CHRNE: variants seen among roughly 807,000 people sequenced by gnomAD.
CHRNE encodes the protein cholinergic receptor nicotinic epsilon subunit.
A neutral mutation model predicts 56.5 loss-of-function variants in CHRNE; 58 were observed. The ratio of observed to expected loss-of-function variants is 1.03; its 90% CI spans 0.83 to 1.28. CHRNE has a LOEUF of 1.28. Among genes scored for constraint, CHRNE ranks in the 50% most tolerant of loss-of-function variants. The pLI is 0.00. For synonymous variants in CHRNE, 385 were observed against 297.9 expected, an observed-to-expected ratio of 1.29 and a Z score of -3.01; for missense variants, 793 against 688.9, an observed-to-expected ratio of 1.15 and a Z score of -1.69.
At position 4,898,606 on chromosome 17, in the gene CHRNE, T is replaced by G; in HGVS notation, c.*130A>C. ...CACGCCAGGGAACGGGCACACACCA[T>G]TCTTGTGAAGTTCACAAACTGCAGA... On this transcript the variant is annotated 3_prime_UTR_variant, in exon 12 of 12. Coordinates refer to ENST00000649488, the MANE Select transcript of CHRNE (RefSeq NM_000080.4). 1 of 1,288,184 alleles carries G rather than the reference T, an allele frequency of 7.8e-7. No individual in the cohort carries two copies. Among genetic ancestry groups the G allele is most frequent in the Non-Finnish European group, 1.1e-6 (1 of 925,432 alleles). 79.8% of individuals were successfully genotyped at this position (1,288,184 alleles called of 1,614,324 possible). A position where few individuals can be genotyped will look rare whatever the true frequency, so the allele number is the denominator to read the frequency against.
Position 4,901,137 on chromosome 17 carries a change from C to T in CHRNE, c.655G>A (p.Gly219Ser), listed in dbSNP as rs765394012. ...TCCCCTGGGCCGTCGGTGGCGCCAC[C>T]GTGGTGGCGGCGGATCACCCCCGGG... ...FCPGVIRRHH[G>S]GATDGPGETD... is the part of the protein sequence containing the mutation. Residue 219 changes from glycine (G) to serine (S), a missense_variant, in exon 7 of 12, where the codon GGT becomes AGT. Transcript: ENST00000649488. The T allele has an allele frequency of 2.5e-6, 4 of 1,611,956 alleles. No individual in the cohort carries two copies. Among genetic ancestry groups the T allele is most frequent in the South Asian group, 2.2e-5 (2 of 91,088 alleles).
rs1969836939 is a variant in CHRNE at position 4,899,050 on chromosome 17, G to A, written c.1277C>T (p.Ala426Val). 3 of 1,611,574 alleles carry A rather than the reference G, an allele frequency of 1.9e-6. No individual in the cohort carries two copies. Among genetic ancestry groups the A allele is most frequent in the African/African-American group, 2.7e-5 (2 of 74,934 alleles). ...AAPEVRCCVDAVNFVAESTRD... is the reference protein window; with the variant it reads ...AAPEVRCCVDVVNFVAESTRD... ...CGTGCTCTCGGCCACGAAGTTCACG[G>A]CATCCACACAGCAGCGGACCTCGGG... The change falls in exon 11 of 12, where the codon GCC (alanine) becomes GTC (valine). Residue 426 changes from alanine to valine, a missense_variant. Coordinates refer to ENST00000649488, the MANE Select transcript of CHRNE (RefSeq NM_000080.4).
rs754975887 is a variant in CHRNE, at chr17:4,899,072, C to T, written c.1255G>A (p.Glu419Lys). 110 of 1,611,318 alleles carry T rather than the reference C, an allele frequency of 6.8e-5. No homozygotes were observed. Among genetic ancestry groups the T allele is most frequent in the Non-Finnish European group, 9.0e-5 (106 of 1,179,558 alleles). ...FCQSLGAAAP[E>K]VRCCVDAVNF... ...ACGGCATCCACACAGCAGCGGACCT[C>T]GGGGGCGGCGGCGCCCAGGCTCTGG... The change falls in exon 11 of 12, where the codon GAG (glutamate) becomes AAG (lysine). Residue 419 changes from glutamate to lysine, a missense_variant. By Grantham distance (56) the Glu-to-Lys change is moderately conservative. Transcript: ENST00000649488.
rs2151096983 is a variant in CHRNE, at chr17:4,900,793, C to A, written c.917G>T (p.Arg306Met). ...ETSLSVPLLGRFLIFVMVVAT... is the reference protein window; with the variant it reads ...ETSLSVPLLGMFLIFVMVVAT... Reference sequence around the variant, plus strand: ...ACCCCCGCGGGGGCTCCGGCTTCACCTGCCCAGGAGCGGCACGCTCAGAGA... The same window carrying A: ...ACCCCCGCGGGGGCTCCGGCTTCACATGCCCAGGAGCGGCACGCTCAGAGA... The change falls in exon 8 of 12, where the codon AGG becomes ATG. Residue 306 changes from arginine to methionine, a missense_variant and splice_region_variant. Physicochemically the swap from Arg to Met is moderately conservative, Grantham distance 91. Coordinates refer to ENST00000649488, the MANE Select transcript of CHRNE (RefSeq NM_000080.4). 2 of 1,613,328 alleles carry A rather than the reference C, an allele frequency of 1.2e-6. No homozygotes were observed. Among genetic ancestry groups the A allele is most frequent in the Admixed American group, 1.7e-5 (1 of 59,940 alleles).
At position 4,899,482 on chromosome 17, in the gene CHRNE, G is replaced by A. The variant is rs1019584942; in HGVS notation, c.1018C>T (p.Pro340Ser). The A allele has an allele frequency of 6.9e-6, 11 of 1,598,110 alleles. No individual in the cohort carries two copies. Among genetic ancestry groups the A allele is most frequent in the Middle Eastern group, 3.5e-4 (2 of 5,792 alleles). Residue 340 changes from proline to serine, a missense_variant, in exon 9 of 12, where the codon CCG becomes TCG. Transcript: ENST00000649488. ...TCCGCGCTTACGTGGCGCAGCCGCG[G>A]GGACATGGCGTGGGTGGTGGGCGTC... ...QRTPTTHAMSPRLRHVLLELL... is the reference protein window; with the variant it reads ...QRTPTTHAMSSRLRHVLLELL...
intron 8 of CHRNE, 78 bp downstream of exon 8, chr17:4,900,715 T>C: frequency 1.3e-6 from 2 of 1,497,284 alleles, no homozygotes; most frequent in Non-Finnish European, 1.8e-6. Context: ...CAGCCAGAGC[T>C]TTTCCCGGGG....
chr17:4,901,893 C>A (rs201470386), intron 5 of CHRNE, 39 bp downstream of exon 5: 26 of 1,607,492 alleles, frequency 1.6e-5, no homozygotes, highest in African/African-American at 9.5e-5. Context: ...GGCCCCCCCC[C>A]AACAATAATC....
upstream of CHRNE, among the ~76,000 whole-genome samples, chr17:4,907,349 G>A (rs973962840): frequency 5.3e-5 from 8 of 151,860 alleles, no homozygotes; most frequent in African/African-American, 1.9e-4. Flanking sequence ...GGATCACGAG[G>A]TCAGGAGATC....
In CHRNE at chr17:4,902,415, A is replaced by G. The variant is rs758019878; in HGVS notation, c.234+35T>C. On this transcript the variant is annotated intron_variant, in intron 3 of 11. Coordinates refer to ENST00000649488, the MANE Select transcript of CHRNE (RefSeq NM_000080.4). This position sits in a 1 kb window ranked among gnomAD's most constrained non-coding sequence, Gnocchi z 4.0. ...GTTTGGGGGAAAAGGGGTGCCCTGGACAAGACCTCACACCATTCCCCAGAT... is the reference window on the plus strand; with the variant it reads ...GTTTGGGGGAAAAGGGGTGCCCTGGGCAAGACCTCACACCATTCCCCAGAT... The G allele has an allele frequency of 5.0e-6, 8 of 1,613,996 alleles. No homozygotes were observed. Among genetic ancestry groups the G allele is most frequent in the Non-Finnish European group, 5.9e-6 (7 of 1,179,976 alleles).
At chr17:4,907,517 A>G (rs113834393), upstream of CHRNE, among the ~76,000 whole-genome samples, 13,723 of 146,328 alleles carry the variant, frequency 0.094, 646 homozygotes, top group African/African-American at 0.11. Flanking sequence ...GCAGTGAGCC[A>G]AGATCACGCC....
At chr17:4,903,158 C>T (rs990457690), upstream of CHRNE, 6 of 1,306,672 alleles carry the variant, frequency 4.6e-6, no homozygotes, top group African/African-American at 4.4e-5. Context: ...GTGTTAGTTC[C>T]GGGCTGTTAG....
In CHRNE at chr17:4,902,991, A is replaced by C; in HGVS notation, c.46+27T>G. On this transcript the variant is annotated intron_variant, in intron 1 of 11. Transcript: ENST00000649488. This position sits in a 1 kb window ranked among gnomAD's most constrained non-coding sequence, Gnocchi z 4.0. ...TTCATGTCAGTATCTGTGTGTGTCC[A>C]ATTGCCCCTCTAGCCCCTGTCCGTA... The C allele has an allele frequency of 1.2e-6, 2 of 1,613,880 alleles. No individual in the cohort carries two copies. Among genetic ancestry groups the C allele is most frequent in the Non-Finnish European group, 1.7e-6 (2 of 1,179,914 alleles).
At chr17:4,906,072 TTCTCG>T (rs1281945168), upstream of CHRNE, among the ~76,000 whole-genome samples, 1 of 152,216 alleles carries the variant, frequency 6.6e-6, no homozygotes, top group Admixed American at 6.5e-5. Context: ...AGTTTCTGCT[TTCTCG>T]TCACCTGTGC....
chr17:4,898,941 G>A (rs1463732634), intron 11 of CHRNE, 50 bp from the exon 12 acceptor site: 19 of 1,564,632 alleles, frequency 1.2e-5, no homozygotes, highest in Admixed American at 5.7e-5. Context: ...AGGAGCCAGC[G>A]GCATGGGAGA....
rs781536510 is a variant in CHRNE at position 4,900,888 on chromosome 17, C to G, written c.822G>C (p.Thr274=). The change falls in exon 8 of 12, where the codon ACG becomes ACC. Residue 274 remains threonine, a synonymous_variant. Coordinates refer to ENST00000649488, the MANE Select transcript of CHRNE (RefSeq NM_000080.4). ...GGGCGAGCAGGACGTTGATGGAGAC[C>G]GTGCATTTCTGGCCGCCGGCTGGAG... ...LPAQAGGQKC[T]VSINVLLAQT... is the part of the protein sequence containing the mutation. The G allele has an allele frequency of 6.2e-7, 1 of 1,614,158 alleles. No individual in the cohort carries two copies. The highest frequency in any genetic ancestry group is 1.1e-5 in the South Asian group (1 of 91,078).
In CHRNE at chr17:4,899,714, G is replaced by T. The variant is rs377353872; in HGVS notation, c.918-132C>A. On this transcript the variant is annotated intron_variant, in intron 8 of 11. Coordinates refer to ENST00000649488, the MANE Select transcript of CHRNE (RefSeq NM_000080.4). ...CCTCCAGCTGCGCCCCCTACACGAC[G>T]ACAGACGCGTCCCCCAGCCCTTCTC... The T allele has an allele frequency of 3.3e-6, 5 of 1,521,822 alleles. No individual in the cohort carries two copies. The South Asian group carries it at 4.8e-5, about 15-fold the overall frequency. 94.3% of individuals were successfully genotyped at this position (1,521,822 alleles called of 1,614,324 possible). A position where few individuals can be genotyped will look rare whatever the true frequency, so the allele number is the denominator to read the frequency against.
chr17:4,900,987 T>A lies in CHRNE; in HGVS notation c.802+3A>T. ...TGGGGGTAGGTTCGGGGCCACTGCT[T>A]ACCCTGCGCCGGCAGGAAGTAGGCG... On this transcript the variant is annotated splice_donor_region_variant and intron_variant, in intron 7 of 11. Coordinates refer to ENST00000649488, the MANE Select transcript of CHRNE (RefSeq NM_000080.4). 1 of 1,613,848 alleles carries A rather than the reference T, an allele frequency of 6.2e-7. No individual in the cohort carries two copies. The highest frequency in any genetic ancestry group is 8.5e-7 in the Non-Finnish European group (1 of 1,179,844).
At chr17:4,905,094 G>A (rs1970074899), upstream of CHRNE, among the ~76,000 whole-genome samples, 1 of 152,204 alleles carries the variant, frequency 6.6e-6, no homozygotes, top group Non-Finnish European at 1.5e-5. Flanking sequence ...CCCCCTTACA[G>A]GGCCGAGTGC....
rs1204951216 is a variant in CHRNE at position 4,898,447 on chromosome 17, G to A, written c.*289C>T. 1.4e-5 allele frequency: 7 copies of A among 508,760 alleles called. No homozygotes were observed. In the East Asian group the frequency reaches 2.5e-4, roughly 18 times the overall value. The allele number at this position is 508,760 out of a possible 1,614,324, so 31.5% of individuals were successfully genotyped here. ...GCTGGCAGCCACCAGAGTCCCGTGG[G>A]GCTGAGCCTTAGAAAGGCTGGGAGG... On this transcript the variant is annotated 3_prime_UTR_variant, in exon 12 of 12. Coordinates refer to ENST00000649488, the MANE Select transcript of CHRNE (RefSeq NM_000080.4).
Sources: gnomAD v4.1 joint callset for allele counts (sites outside exome capture counted in the v4.1 genomes callset) on GRCh38, gnomAD v4.1.1 for gene constraint, Gnocchi (gnomAD v3.1) non-coding constraint, MANE v1.5 for transcripts, NCBI Gene and HGNC (gene_info 2026-07-23, HGNC 2026-07-21) for gene names.